POLQ: variants seen among roughly 807,000 people sequenced by gnomAD.
POLQ encodes epididymis secretory sperm binding protein.
POLQ carries 233 observed loss-of-function variants against 259.2 expected under a neutral mutation model. The observed-to-expected ratio is 0.90, with a 90% CI of 0.81 to 1.00. POLQ has a LOEUF of 1.00. POLQ is among the 50% of genes least tolerant of loss of function. The pLI is 0.00. For synonymous variants in POLQ, 1,025 were observed against 1,048.8 expected (o/e 0.98, Z 0.44); for missense variants, 2,871 against 3,051.6 (o/e 0.94, Z 1.39).
At chr3:121,537,324 T>C in intron 4 of POLQ, 116 bp from the exon 5 acceptor site, 2 of 657,932 alleles carry the variant, frequency 3.0e-6, no homozygotes, top group Non-Finnish European at 5.5e-6. Flanking sequence ...TATTTTAGAT[T>C]TGGGGGTACA....
chr3:121,483,472 C>A lies in POLQ; in HGVS notation c.5884G>T (p.Val1962Phe). The A allele has an allele frequency of 6.2e-7, 1 of 1,606,286 alleles. No homozygotes were observed. Among genetic ancestry groups the A allele is most frequent in the Non-Finnish European group, 8.5e-7 (1 of 1,177,554 alleles). The change falls in exon 18 of 30, where the codon GTT (valine) becomes TTT (phenylalanine). Residue 1962 changes from valine to phenylalanine, a missense_variant. Coordinates refer to ENST00000264233, the MANE Select transcript of POLQ (RefSeq NM_199420.4). ...LRKESDKECSVVIYDFIQSYK... is the reference protein window; with the variant it reads ...LRKESDKECSFVIYDFIQSYK... ...CTCTGGATGAAGTCATAGATGACAA[C>A]AGAACATTCTTTATCAGATTCCTTT... is the stretch of plus-strand genomic sequence containing the variant.
intron 16 of POLQ, among the ~76,000 whole-genome samples, chr3:121,485,911 T>C (rs2048007411): frequency 6.6e-6 from 1 of 152,174 alleles, no homozygotes; most frequent in African/African-American, 2.4e-5. Flanking sequence ...ATGAACAAAT[T>C]AATTCATAAA....
Position 121,490,223 on chromosome 3 carries a change from A to G in POLQ, c.2708T>C (p.Leu903Pro), listed in dbSNP as rs1374993623. The change falls in exon 16 of 30, where the codon CTG becomes CCG. Residue 903 changes from leucine to proline, a missense_variant. This residue lies in a region of POLQ where 2,080 missense variants were observed against 2,126.0 expected (regional missense o/e 0.98). Coordinates refer to ENST00000264233, the MANE Select transcript of POLQ (RefSeq NM_199420.4). ...EMGVQWNPCA[L>P]LHSSTCSLTH... is the part of the protein sequence containing the mutation. ...CAATGAGCATGTACTAGAATGTAAC[A>G]GGGCACATGGATTCCATTGCACTCC... 2.5e-6 allele frequency: 4 copies of G among 1,613,992 alleles called. No individual in the cohort carries two copies. Among genetic ancestry groups the G allele is most frequent in the Admixed American group, 1.7e-5 (1 of 59,996 alleles).
rs1272396529 is a variant in POLQ, at chr3:121,468,314, G to A, written c.6836C>T (p.Pro2279Leu). The A allele has an allele frequency of 1.2e-6, 2 of 1,611,856 alleles. No homozygotes were observed. Among genetic ancestry groups the A allele is most frequent in the Non-Finnish European group, 1.7e-6 (2 of 1,179,066 alleles). Residue 2279 changes from proline (P) to leucine (L), a missense_variant, in exon 23 of 30, where the codon CCC becomes CTC. Physicochemically the swap from Pro to Leu is moderately conservative, Grantham distance 98. Around this residue, in one of 3 missense-constraint regions of POLQ, gnomAD observed 2,080 missense variants for 2,126.0 expected, o/e 0.98. Transcript: ENST00000264233. ...PSQAVGKGLL[P>L]MGRGKYKKGF... The stretch of plus-strand genomic sequence containing the variant: ...GAGAAACAGCACCTACCTGCCCATG[G>A]GAAGTAGGCCTTTGCCTACAGCTTG...
rs770539019 is a variant in POLQ at position 121,460,049 on chromosome 3, C to G, written c.7152+1G>C. ...ATATTAACCATGTTCACTAAAATCA[C>G]CTGTTTTGCCTGCTGCCTCAGATCA... On this transcript the variant is annotated splice_donor_variant, in intron 25 of 29. Transcript: ENST00000264233. LOFTEE classifies it high-confidence loss of function. 1.9e-6 allele frequency: 3 copies of G among 1,610,784 alleles called. No individual in the cohort carries two copies. The South Asian group carries it at 3.3e-5, about 18-fold the overall frequency.
intron 15 of POLQ, 72 bp from the exon 16 acceptor site, chr3:121,490,480 A>G (rs1173845491): frequency 2.4e-6 from 3 of 1,230,712 alleles, no homozygotes; most frequent in South Asian, 1.3e-5. Flanking sequence ...TAAACATGCA[A>G]TCTGAGCTGT....
chr3:121,529,940 G>GA, intron 6 of POLQ, 148 bp from the exon 7 acceptor site: 2 of 553,418 alleles, frequency 3.6e-6, no homozygotes, highest in South Asian at 2.8e-5. Context: ...CAAAAGAAAG[G>GA]AAAAAAAGAA....
chr3:121,512,088 A>G, intron 9 of POLQ, 59 bp from the exon 10 acceptor site: 2 of 1,441,342 alleles, frequency 1.4e-6, no homozygotes, highest in East Asian at 2.3e-5. Flanking sequence ...GATATCTGCT[A>G]AAGAGATTTT....
chr3:121,487,375 G>A lies in POLQ; in HGVS notation c.5556C>T (p.Ile1852=), dbSNP rs921282351. 1.2e-6 allele frequency: 2 copies of A among 1,614,052 alleles called. No homozygotes were observed. Among genetic ancestry groups the A allele is most frequent in the Admixed American group, 3.3e-5 (2 of 60,006 alleles). The change falls in exon 16 of 30, where the codon ATC becomes ATT. Residue 1852 remains isoleucine (I), a synonymous_variant. Coordinates refer to ENST00000264233, the MANE Select transcript of POLQ (RefSeq NM_199420.4). The stretch of plus-strand genomic sequence containing the variant: ...TTCTAATCTTTTCACAAGCCAGTGA[G>A]ATGGAAAATCGCTTTTTGCACCGCC... The part of the protein sequence containing the change: ...KEWRCKKRFS[I]SLACEKIRSL...
chr3:121,486,893 CAGAGAG>C lies in POLQ; in HGVS notation c.5629+403_5629+408del, dbSNP rs3045624. Among the ~76,000 whole-genome samples the C allele has an allele frequency of 7.3e-3, 1,031 of 140,422 alleles. 11 individuals are homozygous for C. The highest frequency in any genetic ancestry group is 0.016 in the African/African-American group (607 of 37,758). The allele number at this position is 140,422 out of a possible 152,430, so 92.1% of individuals were successfully genotyped here. A position where few individuals can be genotyped will look rare whatever the true frequency, so the allele number is the denominator to read the frequency against. ...GAGGAAAGAAAGAAAGAAAGAGAGACAGAGAGAGAGAGAGAGAGAGAGAGAGAGAAA... is the reference window on the plus strand; with the variant it reads ...GAGGAAAGAAAGAAAGAAAGAGAGACAGAGAGAGAGAGAGAGAGAGAGAAA... On this transcript the variant is annotated intron_variant, in intron 16 of 29. Coordinates refer to ENST00000264233, the MANE Select transcript of POLQ (RefSeq NM_199420.4).
intron 8 of POLQ, among the ~76,000 whole-genome samples, chr3:121,520,315 C>T (rs2048328942): frequency 1.3e-5 from 2 of 151,994 alleles, no homozygotes; most frequent in African/African-American, 4.8e-5. Context: ...GCAGGTGGAT[C>T]GCTTGAGGTC....
chr3:121,459,646 G>T (rs2047775001), intron 25 of POLQ, among the ~76,000 whole-genome samples: 1 of 152,180 alleles, frequency 6.6e-6, no homozygotes. Context: ...CTCCCAAAGT[G>T]CTGGGATTAC....
At chr3:121,451,726 T>C (rs1264422682) in intron 25 of POLQ, among the ~76,000 whole-genome samples, 3 of 152,224 alleles carry the variant, frequency 2.0e-5, no homozygotes, top group Non-Finnish European at 2.9e-5. Context: ...GTTAGGCTAC[T>C]TGGGGGTCAG....
At position 121,488,202 on chromosome 3, in the gene POLQ, G is replaced by T. The variant is rs912781729; in HGVS notation, c.4729C>A (p.Pro1577Thr). ...ACAGTATGATTCTTCTCTTGGACAG[G>T]AAATATATCCACATTGTCCAAAGCT... Reference protein sequence around the residue: ...VEALDNVDIFPVQEKNHTVVS... With the variant: ...VEALDNVDIFTVQEKNHTVVS... The change falls in exon 16 of 30, where the codon CCT becomes ACT. Residue 1577 changes from proline to threonine, a missense_variant. By Grantham distance (38) the Pro-to-Thr change is conservative. Transcript: ENST00000264233. 11 of 1,613,398 alleles carry T rather than the reference G, an allele frequency of 6.8e-6. No homozygotes were observed. Among genetic ancestry groups the T allele is most frequent in the Middle Eastern group, 1.7e-4 (1 of 6,060 alleles).
chr3:121,519,731 G>T, intron 9 of POLQ, 140 bp downstream of exon 9: 1 of 634,984 alleles, frequency 1.6e-6, no homozygotes, highest in Admixed American at 2.5e-5. Flanking sequence ...AATATTAAGT[G>T]AATCCAAAAT....
chr3:121,507,233 A>T (rs905662048), intron 12 of POLQ, among the ~76,000 whole-genome samples: 2 of 152,350 alleles, frequency 1.3e-5, no homozygotes, highest in African/African-American at 4.8e-5. Context: ...TCAAAATATA[A>T]AATAGTACAT....
chr3:121,475,491 C>G (rs61040872), intron 20 of POLQ, among the ~76,000 whole-genome samples: 2,128 of 152,070 alleles, frequency 0.014, 53 homozygotes, highest in African/African-American at 0.048. Context: ...GAAAAAAAAC[C>G]AAGCAACTGG....
chr3:121,541,555 CATGTGT>C, intron 2 of POLQ, 76 bp from the exon 3 acceptor site: 2 of 1,331,146 alleles, frequency 1.5e-6, no homozygotes, highest in Non-Finnish European at 2.1e-6. Flanking sequence ...TGTTTTAAGC[CATGTGT>C]AGTACTACAG....
chr3:121,451,342 C>G (rs1328000917), intron 25 of POLQ, among the ~76,000 whole-genome samples: 2 of 152,190 alleles, frequency 1.3e-5, no homozygotes, highest in Non-Finnish European at 2.9e-5. Flanking sequence ...GAGCTGAGTT[C>G]CTTTGGAGTG....
Sources: allele counts gnomAD v4.1 joint callset (sites outside exome capture counted in the v4.1 genomes callset), GRCh38; gene constraint gnomAD v4.1.1; regional missense constraint gnomAD v4.1.1; transcripts MANE v1.5; gene names NCBI Gene and HGNC (gene_info 2026-07-23, HGNC 2026-07-21).